The following KDM6A variants were observed in gnomAD, a reference collection of about 807,000 sequenced individuals.
The protein encoded by KDM6A is lysine-specific demethylase 6A.
Under a neutral mutation model 117.6 loss-of-function variants are expected in KDM6A, and 11 were observed. The ratio of observed to expected loss-of-function variants is 0.09; its 90% CI spans 0.06 to 0.15. The LOEUF (loss-of-function observed/expected upper bound fraction) is 0.15. Ranked by LOEUF, KDM6A falls within the 10% of genes least tolerant of loss-of-function variation. The pLI, the probability that KDM6A is intolerant of heterozygous loss-of-function variation, is 1.00. For missense variants in KDM6A, 799 were observed against 1,077.3 expected, an observed-to-expected ratio of 0.74 and a Z score of 3.62; for synonymous variants, 384 against 396.1, an observed-to-expected ratio of 0.97 and a Z score of 0.36.
At chrX:45,075,048 C>G (rs1235431932) in intron 18 of KDM6A, among the ~76,000 whole-genome samples, 1 of 111,532 alleles carries the variant, frequency 9.0e-6, no homozygotes, top group African/African-American at 3.3e-5. Context: ...TCATATACTT[C>G]AATTTCTTCA....
intron 18 of KDM6A, among the ~76,000 whole-genome samples, chrX:45,072,961 C>T (rs1294753969): frequency 1.8e-5 from 2 of 108,401 alleles, no homozygotes; most frequent in Admixed American, 2.0e-4. Context: ...CCATGCTGGC[C>T]AGCTGCACCC....
intron 10 of KDM6A, 59 bp downstream of exon 10, chrX:45,054,014 T>C: frequency 9.0e-7 from 1 of 1,112,063 alleles, no homozygotes; most frequent in South Asian, 1.8e-5. Context: ...AGATTTGAAT[T>C]ACAATTTAAA....
In KDM6A at chrX:45,072,434, GT is replaced by G. The variant is rs199575099; in HGVS notation, c.2858+2087del. ...TTTTATATTATAGGTTTTTATATTA[GT>G]TTTTTTTTTGAAGTTAGGCTATCAT... is the stretch of plus-strand genomic sequence containing the variant. On this transcript the variant is annotated intron_variant, in intron 18 of 29. Coordinates refer to ENST00000611820, the MANE Select transcript of KDM6A (RefSeq NM_001291415.2). Among the ~76,000 whole-genome samples, 42 of 106,959 alleles carry G rather than the reference GT, an allele frequency of 3.9e-4. No individual in the cohort carries two copies. In the East Asian group the frequency reaches 0.011, roughly 29 times the overall value. The allele number at this position is 106,959 out of a possible 115,157, so 92.9% of individuals were successfully genotyped here. A position where few individuals can be genotyped will look rare whatever the true frequency, so the allele number is the denominator to read the frequency against.
intron 27 of KDM6A, among the ~76,000 whole-genome samples, chrX:45,101,295 C>T (rs1176012804): frequency 8.9e-6 from 1 of 111,794 alleles, no homozygotes; most frequent in African/African-American, 3.3e-5. Flanking sequence ...GGGGATAATA[C>T]TGTCTTTCTA....
At chrX:45,067,906 C>T (rs759340641) in intron 17 of KDM6A, among the ~76,000 whole-genome samples, 48 of 110,826 alleles carry the variant, frequency 4.3e-4, no homozygotes, top group Admixed American at 1.2e-3. Flanking sequence ...CCTGCCTTGG[C>T]CTCCCAATGT....
intron 2 of KDM6A, among the ~76,000 whole-genome samples, chrX:44,879,603 G>A (rs1388196290): frequency 1.8e-5 from 2 of 112,355 alleles, no homozygotes; most frequent in African/African-American, 6.5e-5. Context: ...TAGATAGTAT[G>A]AAGATAGCAT....
intron 2 of KDM6A, among the ~76,000 whole-genome samples, chrX:44,926,650 A>T (rs1569445500): frequency 1.8e-5 from 2 of 111,642 alleles, no homozygotes; most frequent in Non-Finnish European, 3.8e-5. Flanking sequence ...TATTTTTGAT[A>T]GATATTGACA....
intron 2 of KDM6A, among the ~76,000 whole-genome samples, chrX:44,881,690 CTTTTT>C (rs763093798): frequency 1.0e-5 from 1 of 95,620 alleles, no homozygotes; most frequent in Non-Finnish European, 2.1e-5. Flanking sequence ...ACTATTTTGT[CTTTTT>C]TTTTTTTTTG....
At chrX:45,047,680 T>TC (rs2043623526) in intron 8 of KDM6A, among the ~76,000 whole-genome samples, 1 of 50,561 alleles carries the variant, frequency 2.0e-5, no homozygotes, top group Non-Finnish European at 3.2e-5. Flanking sequence ...TTTTCTTTTT[T>TC]TTTTTTTTTT....
At chrX:44,937,000 C>T (rs755109951) in intron 2 of KDM6A, among the ~76,000 whole-genome samples, 1 of 111,182 alleles carries the variant, frequency 9.0e-6, no homozygotes, top group Non-Finnish European at 1.9e-5. Flanking sequence ...TTTTGTTGAC[C>T]CTTCGCAAAT....
intron 18 of KDM6A, among the ~76,000 whole-genome samples, chrX:45,072,878 T>C (rs2044923698): frequency 9.3e-6 from 1 of 107,176 alleles, no homozygotes; most frequent in Admixed American, 1.0e-4. Context: ...TATATATATA[T>C]ATACATATAT....
chrX:44,941,957 G>A (rs1277539064), intron 2 of KDM6A, among the ~76,000 whole-genome samples: 3 of 110,214 alleles, frequency 2.7e-5, no homozygotes, highest in African/African-American at 9.9e-5. Context: ...CCTTCATGAG[G>A]TATGCATTGA....
chrX:44,952,354 C>T (rs1315757234), intron 2 of KDM6A, among the ~76,000 whole-genome samples: 2 of 106,449 alleles, frequency 1.9e-5, no homozygotes, highest in African/African-American at 7.1e-5. Flanking sequence ...TCACTGGAAC[C>T]TCCGCTTCCT....
chrX:45,047,588 T>C (rs1164497480), intron 8 of KDM6A, among the ~76,000 whole-genome samples: 1 of 107,518 alleles, frequency 9.3e-6, no homozygotes, highest in Non-Finnish European at 1.9e-5. Flanking sequence ...TTTCTCTTTC[T>C]GGAGTATGAT....
At chrX:45,051,920 T>G (rs1193929057) in intron 9 of KDM6A, 118 bp downstream of exon 9, 11 of 460,682 alleles carry the variant, frequency 2.4e-5, no homozygotes, top group Middle Eastern at 6.0e-4. Context: ...TTGATAAAAT[T>G]ATTCTGAACC....
chrX:45,064,727 AAG>A (rs1293799651), intron 17 of KDM6A, among the ~76,000 whole-genome samples: 1 of 112,165 alleles, frequency 8.9e-6, no homozygotes, highest in Non-Finnish European at 1.9e-5. Context: ...TTGACTTAAA[AAG>A]AGAAATATTT....
At chrX:44,888,977 A>G (rs958772315) in intron 2 of KDM6A, among the ~76,000 whole-genome samples, 1 of 112,066 alleles carries the variant, frequency 8.9e-6, no homozygotes, top group Non-Finnish European at 1.9e-5. Flanking sequence ...GTCGCTTGGC[A>G]TCAGCTGAGA....
chrX:45,099,770 C>T (rs1272148695), intron 27 of KDM6A, among the ~76,000 whole-genome samples: 1 of 112,008 alleles, frequency 8.9e-6, no homozygotes, highest in Non-Finnish European at 1.9e-5. Flanking sequence ...TGCGGTGGCT[C>T]ACGCCTATAA....
At chrX:44,999,719 T>C (rs1281451441) in intron 4 of KDM6A, among the ~76,000 whole-genome samples, 1 of 111,196 alleles carries the variant, frequency 9.0e-6, no homozygotes, top group African/African-American at 3.3e-5. Flanking sequence ...TGTCTTGGCT[T>C]AGTTGTTTGG....
Sources: allele counts gnomAD v4.1 joint callset (sites outside exome capture counted in the v4.1 genomes callset), GRCh38; gene constraint gnomAD v4.1.1; transcripts MANE v1.5; gene names NCBI Gene and HGNC (gene_info 2026-07-23, HGNC 2026-07-21).